The following PIP5K1B variants were observed in gnomAD, a reference collection of about 807,000 sequenced individuals.
The protein encoded by PIP5K1B is phosphatidylinositol-4-phosphate 5-kinase type 1 beta, also known as phosphatidylinositol 4-phosphate 5-kinase type-1 beta.
PIP5K1B carries 42 observed loss-of-function variants against 67.0 expected under a neutral mutation model. The ratio of observed to expected loss-of-function variants is 0.63; its 90% CI spans 0.49 to 0.81. PIP5K1B has a LOEUF of 0.81. PIP5K1B is among the 30% of genes least tolerant of loss of function. The pLI is 0.00. For synonymous variants in PIP5K1B, 214 were observed against 231.4 expected, an observed-to-expected ratio of 0.92 and a Z score of 0.68; for missense variants, 459 against 646.3, an observed-to-expected ratio of 0.71 and a Z score of 3.14.
intron 2 of PIP5K1B, among the ~76,000 whole-genome samples, chr9:68,801,992 G>A (rs1309875312): frequency 6.6e-6 from 1 of 152,216 alleles, no homozygotes; most frequent in East Asian, 1.9e-4. Flanking sequence ...GGCATCTCTG[G>A]ATGAGAAGAT....
intron 4 of PIP5K1B, among the ~76,000 whole-genome samples, chr9:68,837,611 T>TTTG (rs1564173559): frequency 7.7e-6 from 1 of 129,578 alleles, no homozygotes; most frequent in Non-Finnish European, 1.7e-5. Flanking sequence ...CTTTGTGTTT[T>TTTG]TTTTTTTTTT....
At chr9:68,958,273 G>A (rs1828504996) in intron 14 of PIP5K1B, among the ~76,000 whole-genome samples, 1 of 152,098 alleles carries the variant, frequency 6.6e-6, no homozygotes, top group East Asian at 1.9e-4. Context: ...TCAAAACCTA[G>A]GGTTCTGTTA....
chr9:68,735,270 T>G (rs554826440), intron 1 of PIP5K1B, among the ~76,000 whole-genome samples: 1 of 146,230 alleles, frequency 6.8e-6, no homozygotes, highest in East Asian at 2.1e-4. Context: ...AATTTTGATA[T>G]ACTACTGTTA....
intron 4 of PIP5K1B, among the ~76,000 whole-genome samples, chr9:68,836,623 A>G (rs1707059223): frequency 7.1e-6 from 1 of 140,394 alleles, no homozygotes; most frequent in Admixed American, 7.5e-5. Flanking sequence ...ACACACATAC[A>G]TCTACACACA....
intron 4 of PIP5K1B, among the ~76,000 whole-genome samples, chr9:68,822,995 G>A (rs1248214296): frequency 3.3e-5 from 5 of 152,074 alleles, no homozygotes; most frequent in South Asian, 4.1e-4. Flanking sequence ...GGCTCCCTGC[G>A]TGCCCTGTGT....
intron 2 of PIP5K1B, among the ~76,000 whole-genome samples, chr9:68,802,673 G>C (rs150784188): frequency 1.8e-4 from 28 of 152,258 alleles, no homozygotes; most frequent in South Asian, 4.1e-4. Flanking sequence ...AGGACAAAGA[G>C]CACTCAGCCT....
intron 4 of PIP5K1B, among the ~76,000 whole-genome samples, chr9:68,858,662 A>T (rs1358884509): frequency 6.6e-6 from 1 of 152,220 alleles, no homozygotes; most frequent in South Asian, 2.1e-4. Context: ...GGCTTCAAGC[A>T]AGGCACTGAC....
chr9:68,891,455 TA>T (rs1276516729), intron 7 of PIP5K1B, among the ~76,000 whole-genome samples: 61 of 150,582 alleles, frequency 4.1e-4, no homozygotes, highest in Admixed American at 8.6e-4. Context: ...TTTTTTTTTT[TA>T]AAAAATGATA....
At chr9:68,763,580 G>A (rs1587406269) in intron 2 of PIP5K1B, among the ~76,000 whole-genome samples, 1 of 152,154 alleles carries the variant, frequency 6.6e-6, no homozygotes. Context: ...AATACTGTTG[G>A]CTGGGGAAAT....
intron 2 of PIP5K1B, among the ~76,000 whole-genome samples, chr9:68,778,407 A>G (rs1167316302): frequency 6.6e-6 from 1 of 152,124 alleles, no homozygotes; most frequent in Non-Finnish European, 1.5e-5. Flanking sequence ...TAAATGTGCT[A>G]TTTTCCTCTC....
chr9:68,958,445 C>A (rs189689140), intron 14 of PIP5K1B, among the ~76,000 whole-genome samples: 44 of 152,238 alleles, frequency 2.9e-4, no homozygotes, highest in African/African-American at 1.0e-3. Flanking sequence ...TCATTTACCC[C>A]TCAAACTAAA....
intron 5 of PIP5K1B, among the ~76,000 whole-genome samples, chr9:68,870,002 ACT>A (rs1246135148): frequency 6.6e-6 from 1 of 151,592 alleles, no homozygotes; most frequent in Non-Finnish European, 1.5e-5. Flanking sequence ...TCAAATCAAA[ACT>A]CTTTATGTCT....
At chr9:68,922,794 ATCC>A (rs1455893372) in intron 11 of PIP5K1B, among the ~76,000 whole-genome samples, 7 of 152,192 alleles carry the variant, frequency 4.6e-5, no homozygotes, top group Non-Finnish European at 7.3e-5. Flanking sequence ...TCTCCTAGGA[ATCC>A]TCCTAGCATC....
At chr9:68,826,162 C>G (rs1270823887) in intron 4 of PIP5K1B, among the ~76,000 whole-genome samples, 1 of 152,222 alleles carries the variant, frequency 6.6e-6, no homozygotes, top group Admixed American at 6.5e-5. Context: ...CCCATTAAGA[C>G]AGGCATTAAA....
At chr9:68,736,612 C>T (rs554507137) in intron 1 of PIP5K1B, among the ~76,000 whole-genome samples, 1 of 152,300 alleles carries the variant, frequency 6.6e-6, no homozygotes, top group South Asian at 2.1e-4. Flanking sequence ...CATTTCCTTG[C>T]TTCTTCCATC....
chr9:68,828,881 C>G (rs1345149471), intron 4 of PIP5K1B, among the ~76,000 whole-genome samples: 1 of 152,118 alleles, frequency 6.6e-6, no homozygotes, highest in Non-Finnish European at 1.5e-5. Context: ...ATGGGTGGAT[C>G]ACCTGAGGTC....
intron 1 of PIP5K1B, among the ~76,000 whole-genome samples, chr9:68,721,307 T>A (rs778065435): frequency 6.6e-5 from 10 of 151,890 alleles, no homozygotes; most frequent in African/African-American, 1.5e-4. Flanking sequence ...ACAGAAGAGA[T>A]GAAAAGGACC....
At chr9:68,886,042 A>G (rs1019063623) in intron 6 of PIP5K1B, among the ~76,000 whole-genome samples, 2 of 152,016 alleles carry the variant, frequency 1.3e-5, no homozygotes, top group Non-Finnish European at 2.9e-5. Context: ...TTAGCTGGGC[A>G]TGTAGTGGGC....
chr9:68,731,117 G>A (rs116049764), intron 1 of PIP5K1B, among the ~76,000 whole-genome samples: 271 of 152,348 alleles, frequency 1.8e-3, no homozygotes, highest in African/African-American at 6.3e-3. Flanking sequence ...TTGGTTTCAA[G>A]GGTCATGTGT....
Sources: gnomAD v4.1 joint callset for allele counts (sites outside exome capture counted in the v4.1 genomes callset) on GRCh38, gnomAD v4.1.1 for gene constraint, MANE v1.5 for transcripts, NCBI Gene and HGNC (gene_info 2026-07-23, HGNC 2026-07-21) for gene names.